PCDH15: variants seen among roughly 807,000 people sequenced by gnomAD.
PCDH15 encodes protocadherin related 15.
PCDH15 carries 129 observed loss-of-function variants against 178.5 expected under a neutral mutation model. The ratio of observed to expected loss-of-function variants is 0.72; its 90% CI spans 0.63 to 0.84. The LOEUF is 0.84. Ranked by LOEUF, PCDH15 falls within the 40% of genes least tolerant of loss-of-function variation. The pLI, the probability that PCDH15 is intolerant of heterozygous loss-of-function variation, is 0.00. For missense variants in PCDH15, 2,230 were observed against 2,099.9 expected (o/e 1.06, Z -1.21); for synonymous variants, 800 against 732.0 (o/e 1.09, Z -1.50).
chr10:55,141,683 A>T (rs1838356639), intron 2 of PCDH15, among the ~76,000 whole-genome samples: 1 of 152,084 alleles, frequency 6.6e-6, no homozygotes, highest in Non-Finnish European at 1.5e-5. Flanking sequence ...TGAAATAAGT[A>T]CACCTTAACT....
At chr10:55,075,080 G>A (rs1375776117) in intron 2 of PCDH15, among the ~76,000 whole-genome samples, 1 of 152,130 alleles carries the variant, frequency 6.6e-6, no homozygotes, top group East Asian at 1.9e-4. Context: ...CTATGTGTCT[G>A]TTTTTGTACC....
At chr10:53,927,149 A>AGTGT (rs59045951) in intron 25 of PCDH15, among the ~76,000 whole-genome samples, 16,750 of 149,614 alleles carry the variant, frequency 0.11, 921 homozygotes, top group Middle Eastern at 0.22. Flanking sequence ...TGTAAATGCA[A>AGTGT]GTGTGTGTGT....
intron 1 of PCDH15, among the ~76,000 whole-genome samples, chr10:54,707,626 C>A (rs1455751506): frequency 2.0e-5 from 3 of 152,258 alleles, no homozygotes; most frequent in Admixed American, 6.5e-5. Context: ...TTGAAGCCTG[C>A]ATTTATTTCA....
chr10:54,208,597 AACC>A (rs1255917257), intron 10 of PCDH15, among the ~76,000 whole-genome samples: 1 of 152,056 alleles, frequency 6.6e-6, no homozygotes, highest in Non-Finnish European at 1.5e-5. Context: ...ACCTAACTAG[AACC>A]CGACCATATT....
intron 2 of PCDH15, among the ~76,000 whole-genome samples, chr10:54,621,927 A>G (rs2093361013): frequency 6.6e-6 from 1 of 152,066 alleles, no homozygotes; most frequent in African/African-American, 2.4e-5. Flanking sequence ...AACGCTGTAA[A>G]GAAAGGAAAG....
chr10:55,620,322 A>G (rs1393039020), intron 2 of PCDH15, among the ~76,000 whole-genome samples: 1 of 151,478 alleles, frequency 6.6e-6, no homozygotes, highest in Non-Finnish European at 1.5e-5. Flanking sequence ...TTTTTTTTGC[A>G]TGTGTGTTAC....
In PCDH15 at chr10:55,163,075, C is replaced by T. The variant is rs369433051; in HGVS notation, c.-80+3501G>A. ...CAGAAGCACACTCAGTCCAGAAGGA[C>T]CATTTTCCACACCTTATCAACCAAT... On this transcript the variant is annotated intron_variant, in intron 2 of 5. Transcript: ENST00000458638. Among the ~76,000 whole-genome samples the T allele has an allele frequency of 2.1e-4, 32 of 152,192 alleles. No individual in the cohort carries two copies. In the South Asian group the frequency reaches 5.8e-3, roughly 28 times the overall value.
intron 8 of PCDH15, among the ~76,000 whole-genome samples, chr10:54,298,740 C>A (rs1222336417): frequency 6.6e-6 from 1 of 152,168 alleles, no homozygotes; most frequent in East Asian, 1.9e-4. Context: ...TATTGATGAC[C>A]AGGAAATTGA....
At chr10:54,442,837 A>G (rs552445497) in intron 3 of PCDH15, among the ~76,000 whole-genome samples, 1 of 151,490 alleles carries the variant, frequency 6.6e-6, no homozygotes, top group Non-Finnish European at 1.5e-5. Flanking sequence ...AAAAAACCCA[A>G]CTTGTGGTTA....
Position 55,246,322 on chromosome 10 carries a change from A to C in PCDH15, c.-156+73277T>G, listed in dbSNP as rs188956731. Among the ~76,000 whole-genome samples the C allele has an allele frequency of 3.5e-3, 530 of 152,304 alleles. 8 individuals carry two copies. Among genetic ancestry groups the C allele is most frequent in the Non-Finnish European group, 3.3e-3 (227 of 68,030 alleles). On this transcript the variant is annotated intron_variant, in intron 1 of 5. Transcript: ENST00000458638. ...CAATCAGATATACATGGATATATGA[A>C]TATTGTTGCTTTGAGAATGAAAGAT...
intron 8 of PCDH15, among the ~76,000 whole-genome samples, chr10:54,315,118 T>C (rs1213884407): frequency 1.3e-5 from 2 of 152,292 alleles, no homozygotes; most frequent in South Asian, 4.1e-4. Context: ...GCCACATGGC[T>C]TTCCACATGG....
intron 2 of PCDH15, among the ~76,000 whole-genome samples, chr10:55,004,056 A>AT (rs35540638): frequency 0.73 from 111,692 of 152,072 alleles, 41,166 homozygotes; most frequent in East Asian, 0.87. Context: ...TACTTGCTAT[A>AT]TTTTTTGTGA....
Position 55,052,438 on chromosome 10 carries a change from G to A in PCDH15, c.-80+114138C>T, listed in dbSNP as rs1841187280. On this transcript the variant is annotated intron_variant, in intron 2 of 5. Transcript: ENST00000458638. Reference sequence around the variant, plus strand: ...TATGAGGCTGGGTGTGGTGGCTTATGCCTGTAATCCCAGCACTTTGGGAGG... The same window carrying A: ...TATGAGGCTGGGTGTGGTGGCTTATACCTGTAATCCCAGCACTTTGGGAGG... 2.1e-5 allele frequency among the ~76,000 whole-genome samples: 3 copies of A among 143,246 alleles called. No homozygotes were observed. The South Asian group carries it at 6.9e-4, about 33-fold the overall frequency. 94.0% of individuals were successfully genotyped at this position (143,246 alleles called of 152,430 possible).
chr10:54,139,383 A>C (rs2043182897), intron 14 of PCDH15, among the ~76,000 whole-genome samples: 1 of 152,234 alleles, frequency 6.6e-6, no homozygotes, highest in Admixed American at 6.5e-5. Context: ...AAATCTGGAT[A>C]AACTATTAAA....
At chr10:54,611,915 C>T (rs2092972438) in intron 2 of PCDH15, among the ~76,000 whole-genome samples, 1 of 151,810 alleles carries the variant, frequency 6.6e-6, no homozygotes, top group African/African-American at 2.4e-5. Flanking sequence ...TTAATATCTC[C>T]TCTTTCATGT....
At chr10:54,061,901 T>C (rs373394880) in intron 18 of PCDH15, among the ~76,000 whole-genome samples, 18 of 152,218 alleles carry the variant, frequency 1.2e-4, no homozygotes, top group East Asian at 7.7e-4. Context: ...TATTCCTTAG[T>C]TATTATTTGT....
chr10:54,309,413 C>A (rs1591723088), intron 8 of PCDH15, among the ~76,000 whole-genome samples: 2 of 151,322 alleles, frequency 1.3e-5, no homozygotes, highest in African/African-American at 4.9e-5. Flanking sequence ...AGGACAAGAG[C>A]CATGATTATT....
At chr10:54,442,312 C>A (rs2075837155) in intron 3 of PCDH15, among the ~76,000 whole-genome samples, 1 of 146,880 alleles carries the variant, frequency 6.8e-6, no homozygotes, top group Non-Finnish European at 1.5e-5. Flanking sequence ...TGGATTAAAT[C>A]CATAAATTCA....
At chr10:54,275,682 A>T (rs1313552733) in intron 8 of PCDH15, among the ~76,000 whole-genome samples, 1 of 151,702 alleles carries the variant, frequency 6.6e-6, no homozygotes, top group Non-Finnish European at 1.5e-5. Flanking sequence ...GGGAGAGAAA[A>T]CCCAATACTA....
Sources: allele counts gnomAD v4.1 joint callset (sites outside exome capture counted in the v4.1 genomes callset), GRCh38; gene constraint gnomAD v4.1.1; transcripts MANE v1.5; gene names NCBI Gene and HGNC (gene_info 2026-07-23, HGNC 2026-07-21).